Variants in SYNJ1 observed in about 807,000 individuals in gnomAD.
SYNJ1 encodes polyphosphatidylinositol phosphatase SYNJ1.
SYNJ1 carries 78 observed loss-of-function variants against 168.2 expected under a neutral mutation model. The ratio of observed to expected loss-of-function variants is 0.46; its 90% CI spans 0.39 to 0.56. SYNJ1 has a LOEUF of 0.56. Ranked by LOEUF, SYNJ1 falls within the 20% of genes least tolerant of loss-of-function variation. The probability of loss-of-function intolerance (pLI) is 0.00; values close to 1 mark genes in which losing one functional copy is unlikely to be tolerated. For missense variants in SYNJ1, 1,303 were observed against 1,597.6 expected (o/e 0.82, Z 3.14); for synonymous variants, 539 against 548.6 (o/e 0.98, Z 0.24).
chr21:32,673,612 T>C (rs1292202999), intron 13 of SYNJ1, 81 bp from the exon 14 acceptor site: 48 of 1,225,162 alleles, frequency 3.9e-5, no homozygotes, highest in Non-Finnish European at 5.2e-5. Flanking sequence ...AGATACGATG[T>C]CCGCTGGAAA....
chr21:32,708,350 T>C (rs1303857676), intron 2 of SYNJ1, among the ~76,000 whole-genome samples: 6 of 152,358 alleles, frequency 3.9e-5, no homozygotes, highest in African/African-American at 1.2e-4. Flanking sequence ...AGGCATCCAC[T>C]GCACTTTCAA....
At chr21:32,638,425 G>A (rs2039675649) in intron 31 of SYNJ1, among the ~76,000 whole-genome samples, 1 of 152,208 alleles carries the variant, frequency 6.6e-6, no homozygotes, top group Admixed American at 6.5e-5. Context: ...GGCTGGGCAT[G>A]GTGGCTCACG....
Position 32,657,739 on chromosome 21 carries a change from C to T in SYNJ1, c.2438G>A (p.Arg813Lys). The T allele has an allele frequency of 6.2e-7, 1 of 1,606,240 alleles. No individual in the cohort carries two copies. Among genetic ancestry groups the T allele is most frequent in the Non-Finnish European group, 8.5e-7 (1 of 1,177,710 alleles). Residue 813 changes from arginine to lysine, a missense_variant, in exon 19 of 33, where the codon AGG (arginine) becomes AAG (lysine). This residue lies in a region of SYNJ1 where 920 missense variants were observed against 1,208.8 expected (regional missense o/e 0.76). Transcript: ENST00000674351. ...ACCTGATCTATCAAAAGGCCATTTCCTCCTTCTCCAAAGGACACGGTCTGT... is the reference window on the plus strand; with the variant it reads ...ACCTGATCTATCAAAAGGCCATTTCTTCCTTCTCCAAAGGACACGGTCTGT... ...AWTDRVLWRR[R>K]KWPFDRSAED...
chr21:32,664,790 T>C (rs2040859027), intron 18 of SYNJ1, 123 bp downstream of exon 18: 6 of 747,444 alleles, frequency 8.0e-6, no homozygotes, highest in South Asian at 4.7e-5. Context: ...ATTATCTGTT[T>C]ACCTACAGAT....
At chr21:32,699,720 C>T (rs1569110584) in intron 4 of SYNJ1, 118 bp downstream of exon 4, 8 of 1,248,618 alleles carry the variant, frequency 6.4e-6, no homozygotes, top group South Asian at 3.1e-5. Flanking sequence ...AAAGGGGCAT[C>T]GAGGGTCTTC....
Position 32,646,320 on chromosome 21 carries a change from T to G in SYNJ1, c.3247+73A>C, listed in dbSNP as rs190415349. Reference sequence around the variant, plus strand: ...CACTTTATCACCTAGGTATGAAACTTAAACGATGACTCTCCAACATCAAGC... The same window carrying G: ...CACTTTATCACCTAGGTATGAAACTGAAACGATGACTCTCCAACATCAAGC... On this transcript the variant is annotated intron_variant, in intron 24 of 32. Coordinates refer to ENST00000674351, the MANE Select transcript of SYNJ1 (RefSeq NM_203446.3). 3 of 1,478,882 alleles carry G rather than the reference T, an allele frequency of 2.0e-6. No individual in the cohort carries two copies. In the East Asian group the frequency reaches 6.8e-5, roughly 34 times the overall value. The allele number at this position is 1,478,882 out of a possible 1,614,324, so 91.6% of individuals were successfully genotyped here. A position where few individuals can be genotyped will look rare whatever the true frequency, so the allele number is the denominator to read the frequency against.
At chr21:32,673,895 C>T (rs948527792) in intron 13 of SYNJ1, among the ~76,000 whole-genome samples, 11 of 152,180 alleles carry the variant, frequency 7.2e-5, no homozygotes, top group African/African-American at 2.4e-4. Context: ...AGGAATATAG[C>T]AATTAACTTT....
intron 4 of SYNJ1, among the ~76,000 whole-genome samples, chr21:32,699,011 C>A (rs1036458740): frequency 6.6e-6 from 1 of 151,168 alleles, no homozygotes; most frequent in Admixed American, 6.6e-5. Flanking sequence ...GGGGGGAGCA[C>A]AGGGGTTTTA....
chr21:32,667,116 A>G (rs543552402), intron 15 of SYNJ1, among the ~76,000 whole-genome samples: 40 of 152,232 alleles, frequency 2.6e-4, no homozygotes, highest in Non-Finnish European at 4.6e-4. Flanking sequence ...AAAGACAAAA[A>G]AAAAAAGGCT....
chr21:32,723,765 A>G (rs986169793), intron 2 of SYNJ1, among the ~76,000 whole-genome samples: 10 of 152,136 alleles, frequency 6.6e-5, no homozygotes, highest in African/African-American at 1.4e-4. Context: ...AGGGAGTTCA[A>G]TTACAGTGAG....
At position 32,656,890 on chromosome 21, in the gene SYNJ1, G is replaced by A. The variant is rs373366653; in HGVS notation, c.2592C>T (p.Ala864=). The change falls in exon 21 of 33, where the codon GCC becomes GCT. Residue 864 remains alanine, a synonymous_variant. Coordinates refer to ENST00000674351, the MANE Select transcript of SYNJ1 (RefSeq NM_203446.3). ...LKTSDHRPVV[A]LIDIDIFEVE... ...CTTCAAATATATCTATATCAATCAG[G>A]GCAACGACAGGCCTTAAGGCATAAA... The A allele has an allele frequency of 1.2e-6, 2 of 1,613,750 alleles. No individual in the cohort carries two copies. The highest frequency in any genetic ancestry group is 1.3e-5 in the African/African-American group (1 of 74,852).
chr21:32,639,149 T>A (rs777762147), intron 30 of SYNJ1, 24 bp from the exon 31 acceptor site: 1 of 1,595,462 alleles, frequency 6.3e-7, no homozygotes, highest in Non-Finnish European at 8.6e-7. Flanking sequence ...GGTTGTCAGA[T>A]GTTAGGTATA....
At chr21:32,681,905 T>C (rs1359144135) in intron 10 of SYNJ1, among the ~76,000 whole-genome samples, 1 of 152,138 alleles carries the variant, frequency 6.6e-6, no homozygotes, top group East Asian at 1.9e-4. Context: ...CTTATTAAAG[T>C]ATCCCTATAA....
chr21:32,648,030 A>G (rs1601275357), intron 23 of SYNJ1, among the ~76,000 whole-genome samples: 1 of 152,156 alleles, frequency 6.6e-6, no homozygotes, highest in South Asian at 2.1e-4. Context: ...CCCTACTTCA[A>G]CAGCCTGCCC....
At position 32,695,161 on chromosome 21, in the gene SYNJ1, C is replaced by A. The variant is rs371958110; in HGVS notation, c.601G>T (p.Ala201Ser). ...TIYAAHKQAK[A>S]CLISRLSCER... ...CAGCTTAATCTTGAAATGAGGCAAG[C>A]CTTCGCCTGTTTATGAGCAGCATAA... The change falls in exon 5 of 33, where the codon GCT becomes TCT. Residue 201 changes from alanine (A) to serine (S), a missense_variant. Ala to Ser is a moderately conservative substitution (Grantham distance 99). Around this residue, in one of 2 missense-constraint regions of SYNJ1, gnomAD observed 920 missense variants for 1,208.8 expected, o/e 0.76. Transcript: ENST00000674351. 21 of 1,614,026 alleles carry A rather than the reference C, an allele frequency of 1.3e-5. No individual in the cohort carries two copies. Among genetic ancestry groups the A allele is most frequent in the Non-Finnish European group, 1.7e-5 (20 of 1,180,028 alleles).
At chr21:32,652,918 C>T (rs1403045490) in intron 22 of SYNJ1, among the ~76,000 whole-genome samples, 2 of 152,178 alleles carry the variant, frequency 1.3e-5, no homozygotes, top group African/African-American at 2.4e-5. Flanking sequence ...ACCTCTCTCC[C>T]TTGTTTTCTG....
intron 4 of SYNJ1, among the ~76,000 whole-genome samples, chr21:32,696,309 G>A (rs2042212982): frequency 6.6e-6 from 1 of 152,128 alleles, no homozygotes; most frequent in Non-Finnish European, 1.5e-5. Flanking sequence ...TAACAGATGT[G>A]GCCTGGTTTC....
intron 31 of SYNJ1, among the ~76,000 whole-genome samples, chr21:32,636,117 T>C (rs1341363621): frequency 3.9e-5 from 6 of 152,198 alleles, no homozygotes; most frequent in African/African-American, 1.4e-4. Context: ...AGGTTTATAC[T>C]GAGAGGTACA....
intron 11 of SYNJ1, among the ~76,000 whole-genome samples, chr21:32,680,674 G>A (rs2146039589): frequency 6.6e-6 from 1 of 151,758 alleles, no homozygotes; most frequent in South Asian, 2.1e-4. Flanking sequence ...GGAGTGCAGT[G>A]GCGTGATCTT....
Sources: allele counts gnomAD v4.1 joint callset (sites outside exome capture counted in the v4.1 genomes callset), GRCh38; gene constraint gnomAD v4.1.1; regional missense constraint gnomAD v4.1.1; transcripts MANE v1.5; gene names NCBI Gene and HGNC (gene_info 2026-07-23, HGNC 2026-07-21).